Variants in PCDHA5 observed in about 807,000 individuals in gnomAD.
PCDHA5 encodes protocadherin alpha-5.
Under a neutral mutation model 61.6 loss-of-function variants are expected in PCDHA5, and 43 were observed. The ratio of observed to expected loss-of-function variants is 0.70; its 90% CI spans 0.55 to 0.90. The LOEUF (loss-of-function observed/expected upper bound fraction) is 0.90. Among genes scored for constraint, PCDHA5 ranks in the 40% least tolerant of loss-of-function variants. PCDHA5 has a pLI of 0.00. For synonymous variants in PCDHA5, 627 were observed against 543.9 expected (o/e 1.15, Z -2.13); for missense variants, 1,298 against 1,222.7 (o/e 1.06, Z -0.92).
chr5:140,842,484 C>T (rs2150337219), intron 1 of PCDHA5: 2 of 1,613,924 alleles, frequency 1.2e-6, no homozygotes, highest in East Asian at 2.2e-5. Context: ...GTGACCTGCT[C>T]CCTGATGCCC....
intron 1 of PCDHA5, chr5:140,866,792 A>T (rs2049578190): frequency 6.6e-6 from 1 of 152,208 alleles, no homozygotes; most frequent in Non-Finnish European, 1.5e-5. Flanking sequence ...CTGATATAGT[A>T]AAAGTCAGGC....
chr5:140,919,097 C>T lies in PCDHA5; in HGVS notation c.2353-59852C>T, dbSNP rs531325561. Among the ~76,000 whole-genome samples the T allele has an allele frequency of 5.3e-5, 8 of 152,242 alleles. No homozygotes were observed. The South Asian group carries it at 1.7e-3, about 32-fold the overall frequency. ...TATGACTATTGAATTGTCTATTTCT[C>T]CCTTCATTTCTGCCAGTTTTTGCTT... On this transcript the variant is annotated intron_variant, in intron 1 of 3. Coordinates refer to ENST00000529859, the MANE Select transcript of PCDHA5 (RefSeq NM_018908.3).
At chr5:140,877,095 C>T in intron 1 of PCDHA5, 1 of 1,613,330 alleles carries the variant, frequency 6.2e-7, no homozygotes, top group Non-Finnish European at 8.5e-7. Context: ...GCGACGCCGG[C>T]GTGCCGCCTC....
chr5:140,876,190 C>A (rs782463342), intron 1 of PCDHA5: 1 of 1,613,936 alleles, frequency 6.2e-7, no homozygotes, highest in Non-Finnish European at 8.5e-7. Context: ...TGACAATGGT[C>A]CGGCGTTTGA....
intron 1 of PCDHA5, among the ~76,000 whole-genome samples, chr5:140,924,894 C>CAAAA (rs782133089): frequency 2.8e-5 from 2 of 71,514 alleles, no homozygotes; most frequent in Non-Finnish European, 3.2e-5. Flanking sequence ...GAACCTGTCT[C>CAAAA]AAAAAAAAAA....
chr5:140,853,369 T>G, intron 1 of PCDHA5: 1 of 982,984 alleles, frequency 1.0e-6, no homozygotes, highest in African/African-American at 1.8e-5. Flanking sequence ...GATCCAGAGA[T>G]GGTAAAATTC....
At chr5:140,964,699 G>A (rs2095849795) in intron 1 of PCDHA5, among the ~76,000 whole-genome samples, 1 of 151,922 alleles carries the variant, frequency 6.6e-6, no homozygotes, top group Non-Finnish European at 1.5e-5. Context: ...GAGAGATTAA[G>A]GCCTCCGAGA....
chr5:140,882,475 AAGAC>A (rs2059154037), intron 1 of PCDHA5: 1 of 1,613,902 alleles, frequency 6.2e-7, no homozygotes, highest in Non-Finnish European at 8.5e-7. Flanking sequence ...TGGCGTCCAA[AAGAC>A]ACGGGGACCT....
Position 140,929,423 on chromosome 5 carries a change from C to T in PCDHA5, c.2353-49526C>T, listed in dbSNP as rs1435902323. 4.7e-6 allele frequency: 7 copies of T among 1,499,372 alleles called. No homozygotes were observed. In the Admixed American group the frequency reaches 7.1e-5, roughly 15 times the overall value. The allele number at this position is 1,499,372 out of a possible 1,614,324, so 92.9% of individuals were successfully genotyped here. A position where few individuals can be genotyped will look rare whatever the true frequency, so the allele number is the denominator to read the frequency against. The stretch of plus-strand genomic sequence containing the variant: ...AGACAAGCCTTTCACAACATTTCAT[C>T]AATTGAACTAAACACTCCTTCTTAG... On this transcript the variant is annotated intron_variant, in intron 1 of 3. Transcript: ENST00000529859.
chr5:140,824,265 A>G lies in PCDHA5; in HGVS notation c.2352+138A>G, dbSNP rs2150133778. 6 of 1,252,372 alleles carry G rather than the reference A, an allele frequency of 4.8e-6. No individual in the cohort carries two copies. In the East Asian group the frequency reaches 6.9e-5, roughly 14 times the overall value. 77.6% of individuals were successfully genotyped at this position (1,252,372 alleles called of 1,614,324 possible). A position where few individuals can be genotyped will look rare whatever the true frequency, so the allele number is the denominator to read the frequency against. On this transcript the variant is annotated intron_variant, in intron 1 of 3. Coordinates refer to ENST00000529859, the MANE Select transcript of PCDHA5 (RefSeq NM_018908.3). ...TGGTACACAATTATTGCACTAATTC[A>G]TGTATTATATGCTTTTTATGAGGCT...
In PCDHA5 at chr5:140,928,891, T is replaced by A. The variant is rs1299939193; in HGVS notation, c.2353-50058T>A. On this transcript the variant is annotated intron_variant, in intron 1 of 3. Coordinates refer to ENST00000529859, the MANE Select transcript of PCDHA5 (RefSeq NM_018908.3). ...CTCTGTCCCTCAGTTACTTCCAGAC[T>A]TTGAAGATGTCTGGGAACCAGGAGG... 1.2e-6 allele frequency: 2 copies of A among 1,614,066 alleles called. No individual in the cohort carries two copies. The highest frequency in any genetic ancestry group is 2.7e-5 in the African/African-American group (2 of 74,942).
At chr5:140,843,605 G>A (rs2150363310) in intron 1 of PCDHA5, 2 of 1,596,092 alleles carry the variant, frequency 1.3e-6, no homozygotes, top group East Asian at 2.2e-5. Flanking sequence ...GTGCTCTGGT[G>A]AGGGGCCACC....
At chr5:140,966,654 T>C in intron 1 of PCDHA5, 1 of 1,185,100 alleles carries the variant, frequency 8.4e-7, no homozygotes, top group Non-Finnish European at 1.1e-6. Flanking sequence ...GCGTGAGCGG[T>C]GGGGGAGCAG....
chr5:140,968,597 G>T, intron 1 of PCDHA5: 1 of 1,614,176 alleles, frequency 6.2e-7, no homozygotes, highest in Non-Finnish European at 8.5e-7. Context: ...CATAGCTATG[G>T]ACTCAGACTC....
intron 1 of PCDHA5, among the ~76,000 whole-genome samples, chr5:140,912,652 G>C (rs555103404): frequency 1.4e-4 from 21 of 152,250 alleles, no homozygotes; most frequent in African/African-American, 5.1e-4. Context: ...TTGAATAGAA[G>C]TGGTGAAAAT....
chr5:140,848,600 C>T lies in PCDHA5; in HGVS notation c.2352+24473C>T, dbSNP rs2150414065. On this transcript the variant is annotated intron_variant, in intron 1 of 3. Coordinates refer to ENST00000529859, the MANE Select transcript of PCDHA5 (RefSeq NM_018908.3). ...GGAGCGGCCAGCTCCACTACTCCGT[C>T]CCGGAGGAAGCCGAACACGGCACCT... 7 of 1,593,634 alleles carry T rather than the reference C, an allele frequency of 4.4e-6. No homozygotes were observed. The African/African-American group carries it at 8.1e-5, about 18-fold the overall frequency.
intron 1 of PCDHA5, among the ~76,000 whole-genome samples, chr5:140,898,087 T>C (rs1480771668): frequency 2.6e-5 from 4 of 152,150 alleles, no homozygotes; most frequent in Non-Finnish European, 5.9e-5. Flanking sequence ...TTCTGGATAT[T>C]AGCCCTTTGT....
intron 2 of PCDHA5, among the ~76,000 whole-genome samples, chr5:140,979,323 T>C (rs2096844622): frequency 6.6e-6 from 1 of 152,180 alleles, no homozygotes; most frequent in Non-Finnish European, 1.5e-5. Context: ...TATGCTTTCT[T>C]TTCCTCCTTT....
chr5:140,915,324 T>G (rs782080439), intron 1 of PCDHA5, among the ~76,000 whole-genome samples: 1 of 152,210 alleles, frequency 6.6e-6, no homozygotes, highest in Non-Finnish European at 1.5e-5. Flanking sequence ...ATTACAGTGT[T>G]ATAATATTCT....
Sources: allele counts gnomAD v4.1 joint callset (sites outside exome capture counted in the v4.1 genomes callset), GRCh38; gene constraint gnomAD v4.1.1; transcripts MANE v1.5; gene names NCBI Gene and HGNC (gene_info 2026-07-23, HGNC 2026-07-21).